RBFOX1: variants seen among roughly 807,000 people sequenced by gnomAD.
RBFOX1 encodes RNA binding fox-1 homolog 1.
In RBFOX1, 8 loss-of-function variants were observed where a neutral mutation model predicts 57.7. The ratio of observed to expected loss-of-function variants is 0.14; its 90% CI spans 0.08 to 0.25. The LOEUF (loss-of-function observed/expected upper bound fraction) is 0.25. Ranked by LOEUF, RBFOX1 falls within the 10% of genes least tolerant of loss-of-function variation. The pLI is 1.00. For missense variants in RBFOX1, 611 were observed against 548.5 expected, an observed-to-expected ratio of 1.11 and a Z score of -1.14; for synonymous variants, 326 against 222.4, an observed-to-expected ratio of 1.47 and a Z score of -4.15.
chr16:6,309,152 A>T (rs567377292), intron 1 of RBFOX1, among the ~76,000 whole-genome samples: 1 of 152,070 alleles, frequency 6.6e-6, no homozygotes, highest in East Asian at 1.9e-4. Context: ...CGGTGGAGAA[A>T]TAATATAAAC....
At chr16:6,194,796 C>T (rs1290324504) in intron 1 of RBFOX1, among the ~76,000 whole-genome samples, 2 of 152,142 alleles carry the variant, frequency 1.3e-5, no homozygotes, top group South Asian at 2.1e-4. Context: ...CTTTACGTTT[C>T]GTGTACCTTC....
At chr16:5,265,202 C>A (rs2062828711) in intron 1 of RBFOX1, among the ~76,000 whole-genome samples, 2 of 152,166 alleles carry the variant, frequency 1.3e-5, no homozygotes, top group Admixed American at 1.3e-4. Flanking sequence ...TTTATCAGCT[C>A]CTAACACCCC....
chr16:6,977,166 TATC>T lies in RBFOX1; in HGVS notation c.-15-74888_-15-74886del, dbSNP rs1254519665. On this transcript the variant is annotated intron_variant, in intron 3 of 15. Transcript: ENST00000550418. ...TATATATATCATATATATCATATATTATCATATATAGATCATATATATCACATA... is the reference window on the plus strand; with the variant it reads ...TATATATATCATATATATCATATATTATATATAGATCATATATATCACATA... Among the ~76,000 whole-genome samples, 203 of 145,720 alleles carry T rather than the reference TATC, an allele frequency of 1.4e-3. 1 individual carries two copies. The highest frequency in any genetic ancestry group is 4.5e-3 in the African/African-American group (178 of 39,852).
chr16:6,793,630 G>A (rs934934406), intron 3 of RBFOX1, among the ~76,000 whole-genome samples: 1 of 152,030 alleles, frequency 6.6e-6, no homozygotes, highest in Admixed American at 6.5e-5. Flanking sequence ...TTACTGTTAA[G>A]CAAAAAAAGA....
At chr16:6,659,224 A>G (rs2098685647) in intron 3 of RBFOX1, among the ~76,000 whole-genome samples, 1 of 71,126 alleles carries the variant, frequency 1.4e-5, no homozygotes, top group South Asian at 7.7e-4. Flanking sequence ...ATCTGTCAAG[A>G]GGAGACGAGA....
chr16:7,649,294 A>G (rs534873216), intron 11 of RBFOX1, among the ~76,000 whole-genome samples: 2 of 152,252 alleles, frequency 1.3e-5, no homozygotes, highest in Admixed American at 6.5e-5. Flanking sequence ...TAATTACTAT[A>G]TTTTGCAAGA....
At chr16:7,633,991 A>G (rs2061376507) in intron 11 of RBFOX1, among the ~76,000 whole-genome samples, 1 of 152,160 alleles carries the variant, frequency 6.6e-6, no homozygotes, top group Admixed American at 6.5e-5. Flanking sequence ...TTTTACATGC[A>G]GGCCTGTGCG....
chr16:6,358,773 T>C (rs2087856068), intron 2 of RBFOX1, among the ~76,000 whole-genome samples: 1 of 152,208 alleles, frequency 6.6e-6, no homozygotes, highest in Non-Finnish European at 1.5e-5. Context: ...TCCTGATGGA[T>C]ATGCTACATT....
chr16:5,907,936 A>T (rs893577793), intron 4 of RBFOX1, among the ~76,000 whole-genome samples: 17 of 151,738 alleles, frequency 1.1e-4, no homozygotes, highest in African/African-American at 3.2e-4. Flanking sequence ...CTGTTAGTAG[A>T]GACTGGATTT....
chr16:7,103,122 A>T (rs1285662780), intron 4 of RBFOX1, among the ~76,000 whole-genome samples: 2 of 151,990 alleles, frequency 1.3e-5, no homozygotes, highest in African/African-American at 4.8e-5. Context: ...GTGCTTTCCA[A>T]GCTGTCGGAC....
At chr16:6,081,732 A>G (rs142725902) in intron 1 of RBFOX1, among the ~76,000 whole-genome samples, 92 of 152,358 alleles carry the variant, frequency 6.0e-4, no homozygotes, top group African/African-American at 2.1e-3. Context: ...GTATCTAGCA[A>G]TAGCAGAAGT....
At chr16:7,511,853 G>A (rs917115361) in intron 4 of RBFOX1, among the ~76,000 whole-genome samples, 1 of 149,812 alleles carries the variant, frequency 6.7e-6, no homozygotes, top group Non-Finnish European at 1.5e-5. Context: ...AGTCAGTTGT[G>A]CAGCAGCAAT....
chr16:5,428,864 C>G (rs962360037), intron 1 of RBFOX1, among the ~76,000 whole-genome samples: 5 of 152,136 alleles, frequency 3.3e-5, no homozygotes, highest in Admixed American at 6.6e-5. Flanking sequence ...ATATGGAAGC[C>G]TTTTTTTCCA....
At chr16:6,886,865 G>C (rs2064171992) in intron 3 of RBFOX1, among the ~76,000 whole-genome samples, 1 of 150,124 alleles carries the variant, frequency 6.7e-6, no homozygotes, top group African/African-American at 2.5e-5. Flanking sequence ...AAAAATAAAA[G>C]AGATGCTTCC....
chr16:7,045,938 G>C (rs138740407), intron 3 of RBFOX1, among the ~76,000 whole-genome samples: 8 of 152,154 alleles, frequency 5.3e-5, no homozygotes, highest in Non-Finnish European at 7.3e-5. Flanking sequence ...GATTACAGGT[G>C]TGAGCCACCA....
chr16:5,988,847 A>G (rs552164736), intron 4 of RBFOX1, among the ~76,000 whole-genome samples: 1 of 152,192 alleles, frequency 6.6e-6, no homozygotes, highest in African/African-American at 2.4e-5. Flanking sequence ...CTCAGAGAGT[A>G]TGAAACACAG....
rs893002513 is a variant in RBFOX1 at position 5,784,374 on chromosome 16, C to A, written c.319-82929C>A. On this transcript the variant is annotated intron_variant, in intron 3 of 19. Coordinates refer to the RBFOX1 transcript ENST00000641259. ...CCCAGGAGGCGGAGCTTGCAGTGAG[C>A]CGAGATCGCACCACTGCACTCCAGC... 1.4e-4 allele frequency among the ~76,000 whole-genome samples: 21 copies of A among 152,140 alleles called. No individual in the cohort carries two copies. The South Asian group carries it at 4.4e-3, about 32-fold the overall frequency.
chr16:5,787,674 T>C (rs1326785866), intron 3 of RBFOX1, among the ~76,000 whole-genome samples: 1 of 151,970 alleles, frequency 6.6e-6, no homozygotes, highest in Non-Finnish European at 1.5e-5. Flanking sequence ...GCAGAGAGGG[T>C]TTGGCAGCAT....
At chr16:7,186,231 A>T (rs2083727723) in intron 4 of RBFOX1, among the ~76,000 whole-genome samples, 1 of 132,870 alleles carries the variant, frequency 7.5e-6, no homozygotes, top group Non-Finnish European at 1.5e-5. Flanking sequence ...TATAAACATA[A>T]ACATATTTAT....
Sources: gnomAD v4.1 joint callset for allele counts (sites outside exome capture counted in the v4.1 genomes callset) on GRCh38, gnomAD v4.1.1 for gene constraint, MANE v1.5 for transcripts, NCBI Gene and HGNC (gene_info 2026-07-23, HGNC 2026-07-21) for gene names.